IL1RAPL2: variants seen among roughly 807,000 people sequenced by gnomAD.
The protein encoded by IL1RAPL2 is interleukin 1 receptor accessory protein like 2.
In IL1RAPL2, 3 loss-of-function variants were observed where a neutral mutation model predicts 44.1. That is an observed-to-expected ratio of 0.07 (90% CI 0.03 to 0.18). The LOEUF is 0.18. IL1RAPL2 is among the 10% of genes least tolerant of loss of function. IL1RAPL2 has a pLI of 1.00. For synonymous variants in IL1RAPL2, 181 were observed against 178.8 expected, an observed-to-expected ratio of 1.01 and a Z score of -0.10; for missense variants, 391 against 496.4, an observed-to-expected ratio of 0.79 and a Z score of 2.02.
chrX:104,590,758 T>G (rs1283172745), intron 1 of IL1RAPL2, among the ~76,000 whole-genome samples: 1 of 111,902 alleles, frequency 8.9e-6, no homozygotes, highest in African/African-American at 3.2e-5. Context: ...TGGCCTCGGT[T>G]TTCTGACTTG....
Position 104,932,685 on chromosome X carries a change from T to C in IL1RAPL2, c.83-262790T>C, listed in dbSNP as rs748655792. Among the ~76,000 whole-genome samples, 50 of 112,372 alleles carry C rather than the reference T, an allele frequency of 4.4e-4. 1 individual carries two copies. The highest frequency in any genetic ancestry group is 2.2e-3 in the South Asian group (6 of 2,692). ...TTTTGGGGGAGAAACAGATGTTTTC[T>C]ATTAAGTCAAGTTCTGTATGGTCGG... On this transcript the variant is annotated intron_variant, in intron 2 of 10. Coordinates refer to ENST00000372582, the MANE Select transcript of IL1RAPL2 (RefSeq NM_017416.2).
chrX:105,679,026 CTTTTT>C (rs745850163), intron 6 of IL1RAPL2, among the ~76,000 whole-genome samples: 7 of 94,944 alleles, frequency 7.4e-5, no homozygotes, highest in Non-Finnish European at 1.3e-4. Context: ...AAAAGTTTCT[CTTTTT>C]TTTTTTTTTT....
chrX:105,330,001 T>C (rs1163221532), intron 5 of IL1RAPL2, among the ~76,000 whole-genome samples: 1 of 111,414 alleles, frequency 9.0e-6, no homozygotes, highest in Non-Finnish European at 1.9e-5. Flanking sequence ...AGAGTGTTGC[T>C]ACCAAATGTA....
chrX:104,874,237 G>T (rs1922841697), intron 2 of IL1RAPL2, among the ~76,000 whole-genome samples: 1 of 103,254 alleles, frequency 9.7e-6, no homozygotes, highest in African/African-American at 3.6e-5. Context: ...TCTATTTACA[G>T]ACCTCTAAAG....
At chrX:104,961,774 C>T (rs2030011454) in intron 2 of IL1RAPL2, among the ~76,000 whole-genome samples, 1 of 112,089 alleles carries the variant, frequency 8.9e-6, no homozygotes, top group African/African-American at 3.2e-5. Context: ...ATATTCGACA[C>T]TTTATTTTCA....
intron 2 of IL1RAPL2, among the ~76,000 whole-genome samples, chrX:104,987,175 A>C (rs1027195125): frequency 1.8e-5 from 2 of 111,409 alleles, no homozygotes; most frequent in Admixed American, 9.6e-5. Flanking sequence ...ATAAGCACAA[A>C]ATTGTCTCAG....
chrX:104,672,831 A>G (rs1434800688), intron 2 of IL1RAPL2, among the ~76,000 whole-genome samples: 3 of 111,025 alleles, frequency 2.7e-5, no homozygotes, highest in Non-Finnish European at 5.7e-5. Context: ...TTTGATTTGC[A>G]TTTCTCTGAT....
At chrX:104,839,608 A>C (rs1921846526) in intron 2 of IL1RAPL2, among the ~76,000 whole-genome samples, 1 of 112,031 alleles carries the variant, frequency 8.9e-6, no homozygotes, top group Non-Finnish European at 1.9e-5. Context: ...TCATAAAATG[A>C]GTTAGGGAGG....
chrX:105,166,850 G>T (rs1013261742), intron 2 of IL1RAPL2, among the ~76,000 whole-genome samples: 2 of 111,949 alleles, frequency 1.8e-5, no homozygotes, highest in African/African-American at 6.5e-5. Flanking sequence ...AGGCTGTACA[G>T]TTACACAGGA....
chrX:104,586,790 T>G (rs770392890), intron 1 of IL1RAPL2, among the ~76,000 whole-genome samples: 59 of 112,506 alleles, frequency 5.2e-4, no homozygotes, highest in South Asian at 4.8e-3. Flanking sequence ...ATCTGGAGTC[T>G]GAGTCCAAGC....
At chrX:105,241,017 G>A (rs1041238660) in intron 4 of IL1RAPL2, among the ~76,000 whole-genome samples, 1 of 111,021 alleles carries the variant, frequency 9.0e-6, no homozygotes, top group Non-Finnish European at 1.9e-5. Context: ...ACTGCACTAC[G>A]CTCCAGCCTG....
chrX:105,414,417 C>T (rs948634668), intron 5 of IL1RAPL2, among the ~76,000 whole-genome samples: 5 of 112,006 alleles, frequency 4.5e-5, no homozygotes, highest in African/African-American at 9.7e-5. Flanking sequence ...TGAGCCACTG[C>T]GCCAGGCCAA....
intron 6 of IL1RAPL2, among the ~76,000 whole-genome samples, chrX:105,544,731 C>G: frequency 9.0e-6 from 1 of 111,693 alleles, no homozygotes; most frequent in East Asian, 2.8e-4. Flanking sequence ...ATTAACATTT[C>G]TTATTTTACT....
chrX:104,611,448 G>A (rs1186213875), intron 1 of IL1RAPL2, among the ~76,000 whole-genome samples: 1 of 110,847 alleles, frequency 9.0e-6, no homozygotes, highest in Admixed American at 9.6e-5. Flanking sequence ...TACACTGCAA[G>A]CATAAAACCG....
intron 2 of IL1RAPL2, among the ~76,000 whole-genome samples, chrX:104,916,000 C>A (rs189133047): frequency 1.8e-5 from 2 of 111,609 alleles, no homozygotes; most frequent in East Asian, 2.8e-4. Context: ...AGTCAGGTAG[C>A]GTGATGCCTC....
At chrX:105,114,303 G>A (rs186285175) in intron 2 of IL1RAPL2, among the ~76,000 whole-genome samples, 19 of 112,006 alleles carry the variant, frequency 1.7e-4, no homozygotes, top group Non-Finnish European at 2.8e-4. Context: ...TTCCCAACCT[G>A]CCGAACTGTA....
At chrX:105,059,832 A>C (rs1042104181) in intron 2 of IL1RAPL2, among the ~76,000 whole-genome samples, 1 of 111,917 alleles carries the variant, frequency 8.9e-6, no homozygotes, top group Non-Finnish European at 1.9e-5. Context: ...CCCAGCCCAC[A>C]TTTTCTTTAT....
intron 3 of IL1RAPL2, among the ~76,000 whole-genome samples, chrX:105,223,953 A>G (rs1414594053): frequency 9.0e-6 from 1 of 111,252 alleles, no homozygotes; most frequent in East Asian, 2.8e-4. Context: ...GTTATATTGA[A>G]TTATAGTTGA....
chrX:104,630,009 A>T lies in IL1RAPL2; in HGVS notation c.-19-28886A>T, dbSNP rs372070699. On this transcript the variant is annotated intron_variant, in intron 1 of 10. Transcript: ENST00000372582. ...TTTTGTTTGTTTGTTTTTGAGATGG[A>T]ATCTCGCTCTGTCACCCAGGCTGGA... Among the ~76,000 whole-genome samples the T allele has an allele frequency of 8.8e-4, 98 of 110,942 alleles. 1 individual carries two copies. The South Asian group carries it at 0.035, about 40-fold the overall frequency.
Sources: gnomAD v4.1 joint callset for allele counts (sites outside exome capture counted in the v4.1 genomes callset) on GRCh38, gnomAD v4.1.1 for gene constraint, MANE v1.5 for transcripts, NCBI Gene and HGNC (gene_info 2026-07-23, HGNC 2026-07-21) for gene names.